SLC48A1: variants seen among roughly 807,000 people sequenced by gnomAD.
SLC48A1 encodes the protein heme transporter HRG1.
Under a neutral mutation model 14.8 loss-of-function variants are expected in SLC48A1, and 6 were observed. That is an observed-to-expected ratio of 0.41 (90% CI 0.22 to 0.80). SLC48A1 has a LOEUF of 0.80. SLC48A1 is among the 30% of genes least tolerant of loss of function. The pLI, the probability that SLC48A1 is intolerant of heterozygous loss-of-function variation, is 0.34. For missense variants in SLC48A1, 165 were observed against 204.8 expected, an observed-to-expected ratio of 0.81 and a Z score of 1.19; for synonymous variants, 89 against 90.0, an observed-to-expected ratio of 0.99 and a Z score of 0.06.
At chr12:47,774,446 C>T (rs1942696579) in intron 1 of SLC48A1, among the ~76,000 whole-genome samples, 1 of 152,094 alleles carries the variant, frequency 6.6e-6, no homozygotes, top group Non-Finnish European at 1.5e-5. Context: ...AAATTGCTTA[C>T]CCGGGATTAC....
chr12:47,777,712 T>C lies in SLC48A1; in HGVS notation c.137-1316T>C, dbSNP rs1054876455. 6.6e-6 allele frequency among the ~76,000 whole-genome samples: 1 copy of C among 152,210 alleles called. No individual in the cohort carries two copies. The highest frequency in any genetic ancestry group is 6.5e-5 in the Admixed American group (1 of 15,276). Reference sequence around the variant, plus strand: ...TTTTAGGCACACAAAAAAGGATAGATGATTTAACAAACACCCTTATAACCC... The same window carrying C: ...TTTTAGGCACACAAAAAAGGATAGACGATTTAACAAACACCCTTATAACCC... On this transcript the variant is annotated intron_variant, in intron 1 of 2. Transcript: ENST00000442218. This position sits in a 1 kb window ranked among gnomAD's most constrained non-coding sequence, Gnocchi z 4.5.
Position 47,773,451 on chromosome 12 carries a change from A to T in SLC48A1, c.136+11A>T. The T allele has an allele frequency of 7.4e-7, 1 of 1,354,508 alleles. No individual in the cohort carries two copies. The highest frequency in any genetic ancestry group is 9.6e-7 in the Non-Finnish European group (1 of 1,045,820). 83.9% of individuals were successfully genotyped at this position (1,354,508 alleles called of 1,614,324 possible). A position where few individuals can be genotyped will look rare whatever the true frequency, so the allele number is the denominator to read the frequency against. ...TGGGAGGGCTCGCAGGTACCCCGGG[A>T]CGCTGGGCGGCGCGGGGCGGGTGCG... is the stretch of plus-strand genomic sequence containing the variant. On this transcript the variant is annotated intron_variant, in intron 1 of 2. Coordinates refer to ENST00000442218, the MANE Select transcript of SLC48A1 (RefSeq NM_017842.3).
chr12:47,781,730 G>A lies in SLC48A1; in HGVS notation c.*1449G>A, dbSNP rs1314675390. ...CGGGAACAGGTGGACTTTGGGAGGA[G>A]TGGGCAGGGAGGGAGTGGTAGTGGC... is the stretch of plus-strand genomic sequence containing the variant. On this transcript the variant is annotated 3_prime_UTR_variant, in exon 3 of 3. Transcript: ENST00000442218. The A allele has an allele frequency of 6.5e-6, 1 of 152,812 alleles. No individual in the cohort carries two copies. Among genetic ancestry groups the A allele is most frequent in the Non-Finnish European group, 1.5e-5 (1 of 68,122 alleles). 9.5% of individuals were successfully genotyped at this position (152,812 alleles called of 1,614,324 possible).
chr12:47,761,534 G>A (rs1942380616), intron 2 of SLC48A1, among the ~76,000 whole-genome samples: 1 of 152,200 alleles, frequency 6.6e-6, no homozygotes, highest in Non-Finnish European at 1.5e-5. Context: ...CAGATGACGG[G>A]GCAGGTTTTT....
chr12:47,765,003 G>C (rs866359836), intron 2 of SLC48A1, among the ~76,000 whole-genome samples: 127 of 140,916 alleles, frequency 9.0e-4, no homozygotes, highest in African/African-American at 3.2e-3. Flanking sequence ...CTTAAACCTG[G>C]AAGGCGGAGG....
At chr12:47,757,881 G>A (rs1166587370), upstream of SLC48A1, 1 of 1,555,402 alleles carries the variant, frequency 6.4e-7, no homozygotes, top group African/African-American at 1.4e-5. Flanking sequence ...GCAGCCCCTG[G>A]ATGCAGCTCG....
intron 1 of SLC48A1, among the ~76,000 whole-genome samples, chr12:47,775,206 T>G (rs138244559): frequency 1.6e-3 from 237 of 152,334 alleles, no homozygotes; most frequent in African/African-American, 5.4e-3. Context: ...AGTCTCCAGC[T>G]GCCTCCTAGA....
chr12:47,782,499 C>T lies in SLC48A1; in HGVS notation c.*2218C>T, dbSNP rs1234023542. 1 of 152,150 alleles carries T rather than the reference C, an allele frequency of 6.6e-6. No individual in the cohort carries two copies. Among genetic ancestry groups the T allele is most frequent in the Non-Finnish European group, 1.5e-5 (1 of 68,072 alleles). The allele number at this position is 152,150 out of a possible 1,614,324, so 9.4% of individuals were successfully genotyped here. On this transcript the variant is annotated 3_prime_UTR_variant, in exon 3 of 3. Coordinates refer to ENST00000442218, the MANE Select transcript of SLC48A1 (RefSeq NM_017842.3). ...TGGACTCAGCCCAGGGCTGCCTCCT[C>T]TTTGTCACCCCAAAGTGGGGCAGCC...
At chr12:47,763,500 A>C (rs908331669) in intron 2 of SLC48A1, among the ~76,000 whole-genome samples, 1 of 152,074 alleles carries the variant, frequency 6.6e-6, no homozygotes, top group Non-Finnish European at 1.5e-5. Context: ...GTGGGAAGAG[A>C]TTGAGCAGAG....
upstream of SLC48A1, chr12:47,773,171 TGGGGGCGGGCC>T (rs890305442): frequency 2.1e-4 from 203 of 984,608 alleles, no homozygotes; most frequent in Middle Eastern, 5.1e-4. Flanking sequence ...CGGGCGGCGC[TGGGGGCGGGCC>T]GGGGGCGGAG....
chr12:47,763,656 G>A (rs1410673583), intron 2 of SLC48A1, among the ~76,000 whole-genome samples: 1 of 152,192 alleles, frequency 6.6e-6, no homozygotes, highest in Non-Finnish European at 1.5e-5. Flanking sequence ...GGGGGGCAGC[G>A]GCAGGGAGCT....
At position 47,773,586 on chromosome 12, in the gene SLC48A1, C is replaced by T. The variant is rs570733548; in HGVS notation, c.136+146C>T. On this transcript the variant is annotated intron_variant, in intron 1 of 2. Transcript: ENST00000442218. ...GAAAACAGCGGTTGGCGGCGGCAGG[C>T]CCCACGCGGGCCCGGGCTCCTGGGC... The T allele has an allele frequency of 5.2e-5, 63 of 1,204,642 alleles. No individual in the cohort carries two copies. In the South Asian group the frequency reaches 1.8e-3, roughly 34 times the overall value. 74.6% of individuals were successfully genotyped at this position (1,204,642 alleles called of 1,614,324 possible). A position where few individuals can be genotyped will look rare whatever the true frequency, so the allele number is the denominator to read the frequency against.
chr12:47,781,127 G>A lies in SLC48A1; in HGVS notation c.*846G>A. On this transcript the variant is annotated 3_prime_UTR_variant, in exon 3 of 3. Transcript: ENST00000442218. ...TTCCCAGAGCTGGTCTCCCATGAGT[G>A]TGCTAGAGCCAGATAGCCGTGGCCC... is the stretch of plus-strand genomic sequence containing the variant. 6.1e-6 allele frequency: 2 copies of A among 327,794 alleles called. No individual in the cohort carries two copies. Among genetic ancestry groups the A allele is most frequent in the East Asian group, 9.3e-5 (1 of 10,802 alleles). 20.3% of individuals were successfully genotyped at this position (327,794 alleles called of 1,614,324 possible). A position where few individuals can be genotyped will look rare whatever the true frequency, so the allele number is the denominator to read the frequency against.
At chr12:47,768,696 T>C (rs1942567721), upstream of SLC48A1, 1 of 152,202 alleles carries the variant, frequency 6.6e-6, no homozygotes. Flanking sequence ...GGAATGTGTA[T>C]ATCTGCGGGG....
At chr12:47,780,010 C>T in intron 2 of SLC48A1, 135 bp from the exon 3 acceptor site, 1 of 1,148,938 alleles carries the variant, frequency 8.7e-7, no homozygotes. Context: ...ATCACAGTGT[C>T]TTTCTGAAGG....
chr12:47,764,992 G>A (rs759599361), intron 2 of SLC48A1, among the ~76,000 whole-genome samples: 4 of 142,604 alleles, frequency 2.8e-5, no homozygotes, highest in Non-Finnish European at 6.0e-5. Flanking sequence ...CAGGAGAATC[G>A]CTTAAACCTG....
rs1942808482 is a variant in SLC48A1, at chr12:47,779,058, A to C, written c.167A>C (p.His56Pro). 1 of 1,551,604 alleles carries C rather than the reference A, an allele frequency of 6.4e-7. No individual in the cohort carries two copies. Among genetic ancestry groups the C allele is most frequent in the Non-Finnish European group, 8.7e-7 (1 of 1,147,020 alleles). The change falls in exon 2 of 3, where the codon CAC (histidine) becomes CCC (proline). Residue 56 changes from histidine (H) to proline (P), a missense_variant. By Grantham distance (77) the His-to-Pro change is moderately conservative. Transcript: ENST00000442218. ...CTGGCACTGTGGGTCCTGGTGACGC[A>C]CGTGATGTACATGCAAGATTATTGG... ...GVLALWVLVT[H>P]VMYMQDYWRT...
upstream of SLC48A1, among the ~76,000 whole-genome samples, chr12:47,768,328 A>C (rs1346945503): frequency 6.6e-6 from 1 of 152,148 alleles, no homozygotes; most frequent in Non-Finnish European, 1.5e-5. Context: ...AGAGAGGATT[A>C]GAGGGGGAAA....
Position 47,780,126 on chromosome 12 carries a change from G to A in SLC48A1, c.305-19G>A, listed in dbSNP as rs750202318. 24 of 1,545,178 alleles carry A rather than the reference G, an allele frequency of 1.6e-5. No homozygotes were observed. Among genetic ancestry groups the A allele is most frequent in the South Asian group, 1.3e-4 (11 of 81,870 alleles). On this transcript the variant is annotated intron_variant, in intron 2 of 2. Transcript: ENST00000442218. ...GGCAGGGCCTGCCAAAGTCACTGTC[G>A]GTACTTCTCTCCCTGCAGGCCTCAC...
Sources: gnomAD v4.1 joint callset for allele counts (sites outside exome capture counted in the v4.1 genomes callset) on GRCh38, gnomAD v4.1.1 for gene constraint, Gnocchi (gnomAD v3.1) non-coding constraint, MANE v1.5 for transcripts, NCBI Gene and HGNC (gene_info 2026-07-23, HGNC 2026-07-21) for gene names.